Variants in SH3GLB1 observed in about 807,000 individuals in gnomAD.
SH3GLB1 encodes endophilin-B1.
SH3GLB1 carries 17 observed loss-of-function variants against 42.0 expected under a neutral mutation model. The observed-to-expected ratio is 0.40, with a 90% CI of 0.28 to 0.61. SH3GLB1 has a LOEUF of 0.61. SH3GLB1 is among the 20% of genes least tolerant of loss of function. The pLI is 0.36. For synonymous variants in SH3GLB1, 132 were observed against 146.6 expected, an observed-to-expected ratio of 0.90 and a Z score of 0.72; for missense variants, 355 against 426.3, an observed-to-expected ratio of 0.83 and a Z score of 1.47.
rs1388018305 is a variant in SH3GLB1 at position 86,742,320 on chromosome 1, A to T, written c.874A>T (p.Ile292Phe). 6.2e-7 allele frequency: 1 copy of T among 1,613,994 alleles called. No individual in the cohort carries two copies. Among genetic ancestry groups the T allele is most frequent in the Non-Finnish European group, 8.5e-7 (1 of 1,180,024 alleles). ...CATGGCTTCAACAAGTGGCCTAGTA[A>T]TCACCTCTCCTTCCAACCTCAGTGA... ...SAMASTSGLV[I>F]TSPSNLSDLK... Residue 292 changes from isoleucine to phenylalanine, a missense_variant, in exon 8 of 9, where the codon ATC becomes TTC. By Grantham distance (21) the Ile-to-Phe change is conservative (BLOSUM62 0). Coordinates refer to ENST00000370558, the MANE Select transcript of SH3GLB1 (RefSeq NM_016009.5).
Position 86,742,296 on chromosome 1 carries a change from A to G in SH3GLB1, c.850A>G (p.Met284Val), listed in dbSNP as rs1656098114. Residue 284 changes from methionine to valine, a missense_variant, in exon 8 of 9, where the codon ATG becomes GTG. By Grantham distance (21) the Met-to-Val change is conservative. Transcript: ENST00000370558. ...VLPNAIGSSA[M>V]ASTSGLVITS... ...ACCAAATGCGATTGGTTCTTCTGCC[A>G]TGGCTTCAACAAGTGGCCTAGTAAT... is the stretch of plus-strand genomic sequence containing the variant. 1 of 1,614,172 alleles carries G rather than the reference A, an allele frequency of 6.2e-7. No homozygotes were observed. The highest frequency in any genetic ancestry group is 8.5e-7 in the Non-Finnish European group (1 of 1,180,026).
chr1:86,743,756 G>A lies in SH3GLB1; in HGVS notation c.*521G>A, dbSNP rs1656173015. On this transcript the variant is annotated 3_prime_UTR_variant, in exon 9 of 9. Coordinates refer to ENST00000370558, the MANE Select transcript of SH3GLB1 (RefSeq NM_016009.5). ...AACGCATTTAAACTATGTTTACCTG[G>A]TTTTCCAACAGAAATCAAATGATTT... 1 of 152,514 alleles carries A rather than the reference G, an allele frequency of 6.6e-6. No homozygotes were observed. The highest frequency in any genetic ancestry group is 2.4e-5 in the African/African-American group (1 of 41,422). The allele number at this position is 152,514 out of a possible 1,614,324, so 9.4% of individuals were successfully genotyped here. A position where few individuals can be genotyped will look rare whatever the true frequency, so the allele number is the denominator to read the frequency against.
intron 1 of SH3GLB1, among the ~76,000 whole-genome samples, chr1:86,710,266 ATT>A (rs34909531): frequency 0.17 from 24,427 of 145,858 alleles, 2,938 homozygotes; most frequent in African/African-American, 0.36. Flanking sequence ...TCTTGAAAGA[ATT>A]TTTTTTTTTT....
In SH3GLB1 at chr1:86,744,491, T is replaced by C. The variant is rs1450653593; in HGVS notation, c.*1256T>C. The C allele has an allele frequency of 6.6e-6, 1 of 152,154 alleles. No individual in the cohort carries two copies. The allele number at this position is 152,154 out of a possible 1,614,324, so 9.4% of individuals were successfully genotyped here. ...GTGTGATGGGGAAAATACAAGGTAC[T>C]GTATTTGGGAGTCATGTAACTCCAG... On this transcript the variant is annotated 3_prime_UTR_variant, in exon 9 of 9. Coordinates refer to ENST00000370558, the MANE Select transcript of SH3GLB1 (RefSeq NM_016009.5).
At chr1:86,742,109 A>G (rs527265670) in intron 7 of SH3GLB1, 99 bp from the exon 8 acceptor site, 16 of 765,262 alleles carry the variant, frequency 2.1e-5, no homozygotes, top group Admixed American at 1.0e-4. Flanking sequence ...ATCTTTTCCA[A>G]TGTGAAGGTT....
chr1:86,707,644 A>ATTTTTTTT (rs948807467), intron 1 of SH3GLB1, among the ~76,000 whole-genome samples: 2 of 116,522 alleles, frequency 1.7e-5, no homozygotes, highest in Non-Finnish European at 1.8e-5. Context: ...TTTACAGGGT[A>ATTTTTTTT]TTTTTTTTTT....
intron 5 of SH3GLB1, among the ~76,000 whole-genome samples, chr1:86,732,697 G>A (rs1172711431): frequency 6.6e-6 from 1 of 152,060 alleles, no homozygotes; most frequent in Non-Finnish European, 1.5e-5. Context: ...AAACCTAGAA[G>A]CCTGATCCCT....
intron 5 of SH3GLB1, among the ~76,000 whole-genome samples, chr1:86,727,136 T>C (rs1655243005): frequency 6.6e-6 from 1 of 151,982 alleles, no homozygotes; most frequent in South Asian, 2.1e-4. Context: ...ATAAATGATG[T>C]AAAATCTCTG....
At chr1:86,724,520 T>A (rs1655047909) in intron 5 of SH3GLB1, 115 bp downstream of exon 5, 1 of 803,852 alleles carries the variant, frequency 1.2e-6, no homozygotes, top group African/African-American at 1.8e-5. Context: ...TTGTGCTTTC[T>A]AAACAAATTT....
At chr1:86,732,816 T>C (rs1655582504) in intron 5 of SH3GLB1, among the ~76,000 whole-genome samples, 1 of 152,196 alleles carries the variant, frequency 6.6e-6, no homozygotes, top group African/African-American at 2.4e-5. Context: ...CTACCTAGTT[T>C]ACTTGCTTAT....
In SH3GLB1 at chr1:86,746,343, CT is replaced by C. The variant is rs1262073963; in HGVS notation, c.*3110del. ...TGCTGACAGAATTCCAGAAAAATTCCTTCCCTATCTCCCAAACACCTGAAAT... is the reference window on the plus strand; with the variant it reads ...TGCTGACAGAATTCCAGAAAAATTCCTCCCTATCTCCCAAACACCTGAAAT... On this transcript the variant is annotated 3_prime_UTR_variant, in exon 9 of 9. Coordinates refer to ENST00000370558, the MANE Select transcript of SH3GLB1 (RefSeq NM_016009.5). 6.6e-6 allele frequency: 1 copy of C among 152,222 alleles called. No individual in the cohort carries two copies. Among genetic ancestry groups the C allele is most frequent in the African/African-American group, 2.4e-5 (1 of 41,430 alleles). The allele number at this position is 152,222 out of a possible 1,614,324, so 9.4% of individuals were successfully genotyped here.
chr1:86,706,211 G>A (rs1440288159), intron 1 of SH3GLB1, among the ~76,000 whole-genome samples: 1 of 152,214 alleles, frequency 6.6e-6, no homozygotes, highest in East Asian at 1.9e-4. Context: ...ATAACCAGGT[G>A]CTGTCTGACC....
chr1:86,711,876 C>T (rs1441692361), intron 1 of SH3GLB1, among the ~76,000 whole-genome samples: 2 of 151,986 alleles, frequency 1.3e-5, no homozygotes, highest in African/African-American at 4.8e-5. Context: ...AGATGCTGAT[C>T]ATCTTGCTGT....
rs1323051120 is a variant in SH3GLB1 at position 86,747,417 on chromosome 1, A to G, written c.*4182A>G. ...CTCTAAGCTTGAGAACCACTGCAAT[A>G]GAACTAAGAGAACATTCATTTCACC... On this transcript the variant is annotated 3_prime_UTR_variant, in exon 9 of 9. Coordinates refer to ENST00000370558, the MANE Select transcript of SH3GLB1 (RefSeq NM_016009.5). 6.6e-6 allele frequency: 1 copy of G among 152,292 alleles called. No individual in the cohort carries two copies. Among genetic ancestry groups the G allele is most frequent in the East Asian group, 1.9e-4 (1 of 5,188 alleles). 9.4% of individuals were successfully genotyped at this position (152,292 alleles called of 1,614,324 possible).
At chr1:86,724,892 A>AAATATATATATATATATATATATATAT (rs1291454820) in intron 5 of SH3GLB1, among the ~76,000 whole-genome samples, 19 of 99,636 alleles carry the variant, frequency 1.9e-4, no homozygotes, top group Non-Finnish European at 3.3e-4. Flanking sequence ...AAAAAAAAAA[A>AAATATATATATATATATATATATATAT]ATATATATAT....
chr1:86,711,598 T>C (rs1654213216), intron 1 of SH3GLB1, among the ~76,000 whole-genome samples: 1 of 152,162 alleles, frequency 6.6e-6, no homozygotes, highest in African/African-American at 2.4e-5. Flanking sequence ...CATTAAAAGA[T>C]ATGCTTAAAA....
At chr1:86,738,428 G>C (rs1655888902) in intron 7 of SH3GLB1, among the ~76,000 whole-genome samples, 1 of 151,950 alleles carries the variant, frequency 6.6e-6, no homozygotes, top group Non-Finnish European at 1.5e-5. Flanking sequence ...ACCACACCCA[G>C]CTAATTTTTT....
At position 86,745,168 on chromosome 1, in the gene SH3GLB1, T is replaced by A. The variant is rs1656241762; in HGVS notation, c.*1933T>A. On this transcript the variant is annotated 3_prime_UTR_variant, in exon 9 of 9. Transcript: ENST00000370558. The stretch of plus-strand genomic sequence containing the variant: ...ATGGTCCTGGGTTCAAATCCAGTCT[T>A]CCTCACATATTGTGCTCTTTAAGCT... 6.6e-6 allele frequency: 1 copy of A among 152,220 alleles called. No individual in the cohort carries two copies. The highest frequency in any genetic ancestry group is 1.5e-5 in the Non-Finnish European group (1 of 68,042). The allele number at this position is 152,220 out of a possible 1,614,324, so 9.4% of individuals were successfully genotyped here.
At chr1:86,728,485 T>C in intron 5 of SH3GLB1, 1 of 1,539,840 alleles carries the variant, frequency 6.5e-7, no homozygotes, top group Non-Finnish European at 8.8e-7. Context: ...GTAAAATGGC[T>C]GAAGGTTTGT....
Sources: allele counts gnomAD v4.1 joint callset (sites outside exome capture counted in the v4.1 genomes callset), GRCh38; gene constraint gnomAD v4.1.1; transcripts MANE v1.5; gene names NCBI Gene and HGNC (gene_info 2026-07-23, HGNC 2026-07-21).